Variants in CABCOCO1 observed in about 807,000 individuals in gnomAD.
The protein encoded by CABCOCO1 is ciliary associated calcium binding coiled-coil 1, also known as ciliary-associated calcium-binding coiled-coil protein 1.
Under a neutral mutation model 35.7 loss-of-function variants are expected in CABCOCO1, and 28 were observed. That is an observed-to-expected ratio of 0.78 (90% CI 0.58 to 1.07). The LOEUF is 1.07. CABCOCO1 is among the 50% of genes least tolerant of loss of function. The pLI is 0.00. For synonymous variants in CABCOCO1, 95 were observed against 100.1 expected (o/e 0.95, Z 0.30); for missense variants, 326 against 309.2 (o/e 1.05, Z -0.41).
intron 5 of CABCOCO1, among the ~76,000 whole-genome samples, chr10:61,697,457 T>C (rs1308696128): frequency 1.3e-5 from 2 of 152,078 alleles, no homozygotes; most frequent in African/African-American, 2.4e-5. Flanking sequence ...ATGAATAGTG[T>C]TCCCATTTAT....
chr10:61,678,976 T>C (rs1839614490), intron 2 of CABCOCO1, among the ~76,000 whole-genome samples: 1 of 152,126 alleles, frequency 6.6e-6, no homozygotes. Context: ...GCTTTATTTG[T>C]TCCCAAACTT....
At position 61,762,563 on chromosome 10, in the gene CABCOCO1, G is replaced by A. The variant is rs557022804; in HGVS notation, c.816+1560G>A. 8.5e-5 allele frequency among the ~76,000 whole-genome samples: 13 copies of A among 152,182 alleles called. No homozygotes were observed. The South Asian group carries it at 2.5e-3, about 29-fold the overall frequency. On this transcript the variant is annotated intron_variant, in intron 7 of 7. Coordinates refer to ENST00000648843, the MANE Select transcript of CABCOCO1 (RefSeq NM_001366906.2). ...TGCCAATTTTTCAATGAAATAGCATGATGATGTGGATTTATACAATGGCTC... is the reference window on the plus strand; with the variant it reads ...TGCCAATTTTTCAATGAAATAGCATAATGATGTGGATTTATACAATGGCTC...
At chr10:61,734,049 G>A (rs777657828) in intron 5 of CABCOCO1, among the ~76,000 whole-genome samples, 4 of 151,788 alleles carry the variant, frequency 2.6e-5, no homozygotes, top group Non-Finnish European at 5.9e-5. Flanking sequence ...ACTTCCCCCC[G>A]CTTACCCCCA....
chr10:61,738,222 G>A (rs1564551948), intron 5 of CABCOCO1, among the ~76,000 whole-genome samples: 1 of 152,080 alleles, frequency 6.6e-6, no homozygotes, highest in African/African-American at 2.4e-5. Context: ...TAATTTGCCA[G>A]CATACGTTCA....
At chr10:61,668,439 A>G (rs1234067226) in intron 1 of CABCOCO1, among the ~76,000 whole-genome samples, 2 of 152,164 alleles carry the variant, frequency 1.3e-5, no homozygotes, top group Middle Eastern at 3.4e-3. Context: ...TAAAACTACA[A>G]GTGTAAAACC....
At chr10:61,673,709 C>T (rs1327680793) in intron 2 of CABCOCO1, among the ~76,000 whole-genome samples, 1 of 152,196 alleles carries the variant, frequency 6.6e-6, no homozygotes, top group African/African-American at 2.4e-5. Flanking sequence ...AGCTGCTCAG[C>T]TCTAGCGCTG....
In CABCOCO1 at chr10:61,766,021, G is replaced by A; in HGVS notation, c.*8G>A. 1 of 1,607,538 alleles carries A rather than the reference G, an allele frequency of 6.2e-7. No individual in the cohort carries two copies. The highest frequency in any genetic ancestry group is 8.5e-7 in the Non-Finnish European group (1 of 1,174,676). ...AAATTGAAAAAGGCCTAAGGACTTG[G>A]TACAAGGAGAGTGATGCTAAACTTC... On this transcript the variant is annotated 3_prime_UTR_variant, in exon 8 of 8. Coordinates refer to ENST00000648843, the MANE Select transcript of CABCOCO1 (RefSeq NM_001366906.2).
intron 5 of CABCOCO1, among the ~76,000 whole-genome samples, chr10:61,736,506 G>T (rs1841419014): frequency 6.6e-6 from 1 of 152,076 alleles, no homozygotes. Context: ...CTACGTGCCT[G>T]TTTTTGTATC....
chr10:61,736,667 G>C (rs1298543617), intron 5 of CABCOCO1, among the ~76,000 whole-genome samples: 1 of 151,998 alleles, frequency 6.6e-6, no homozygotes, highest in African/African-American at 2.4e-5. Flanking sequence ...ATTTTCTCTA[G>C]TTCTGTGAAG....
At chr10:61,707,844 TGCACAAGGTAAAAACAGAA>T (rs1840631608) in intron 5 of CABCOCO1, among the ~76,000 whole-genome samples, 1 of 152,186 alleles carries the variant, frequency 6.6e-6, no homozygotes, top group Non-Finnish European at 1.5e-5. Flanking sequence ...TTTCAAGTTT[TGCACAAGGTAAAAACAGAA>T]GCTGATACAT....
chr10:61,737,801 C>T (rs1187267148), intron 5 of CABCOCO1, among the ~76,000 whole-genome samples: 2 of 151,992 alleles, frequency 1.3e-5, no homozygotes, highest in Non-Finnish European at 2.9e-5. Context: ...CTGGGGTCTA[C>T]TTGAAGCAGG....
Position 61,690,671 on chromosome 10 carries a change from T to C in CABCOCO1, c.552+50T>C, listed in dbSNP as rs111272461. On this transcript the variant is annotated intron_variant, in intron 5 of 7. Coordinates refer to ENST00000648843, the MANE Select transcript of CABCOCO1 (RefSeq NM_001366906.2). ...AAGTTAAGCAGAATCACTTAATGCATGCTGATCAGCATCTGGATCTTTAAC... is the reference window on the plus strand; with the variant it reads ...AAGTTAAGCAGAATCACTTAATGCACGCTGATCAGCATCTGGATCTTTAAC... 70 of 1,205,088 alleles carry C rather than the reference T, an allele frequency of 5.8e-5. 2 individuals are homozygous for C. Among genetic ancestry groups the C allele is most frequent in the South Asian group, 5.5e-4 (42 of 77,032 alleles). 74.6% of individuals were successfully genotyped at this position (1,205,088 alleles called of 1,614,324 possible). A position where few individuals can be genotyped will look rare whatever the true frequency, so the allele number is the denominator to read the frequency against.
At chr10:61,678,495 T>TA (rs1443083362) in intron 2 of CABCOCO1, among the ~76,000 whole-genome samples, 1 of 151,912 alleles carries the variant, frequency 6.6e-6, no homozygotes, top group Non-Finnish European at 1.5e-5. Context: ...ACATGCAACA[T>TA]AAAAAACTGA....
chr10:61,694,071 G>T (rs539077825), intron 5 of CABCOCO1, among the ~76,000 whole-genome samples: 27 of 151,894 alleles, frequency 1.8e-4, no homozygotes, highest in Non-Finnish European at 3.7e-4. Flanking sequence ...ACTTGTTAGT[G>T]TATTACTTTA....
In CABCOCO1 at chr10:61,766,030, G is replaced by C; in HGVS notation, c.*17G>C. The C allele has an allele frequency of 6.2e-7, 1 of 1,600,842 alleles. No homozygotes were observed. The highest frequency in any genetic ancestry group is 1.3e-5 in the African/African-American group (1 of 74,568). ...AAGGCCTAAGGACTTGGTACAAGGA[G>C]AGTGATGCTAAACTTCACAGAAACA... On this transcript the variant is annotated 3_prime_UTR_variant, in exon 8 of 8. Coordinates refer to ENST00000648843, the MANE Select transcript of CABCOCO1 (RefSeq NM_001366906.2).
intron 5 of CABCOCO1, among the ~76,000 whole-genome samples, chr10:61,751,995 A>C (rs1467670385): frequency 6.6e-6 from 1 of 152,188 alleles, no homozygotes; most frequent in Non-Finnish European, 1.5e-5. Context: ...TGTAGGTGAA[A>C]GGTCTCTTTT....
At chr10:61,748,250 A>G (rs1841707398) in intron 5 of CABCOCO1, among the ~76,000 whole-genome samples, 1 of 152,180 alleles carries the variant, frequency 6.6e-6, no homozygotes, top group African/African-American at 2.4e-5. Context: ...CTGACCATAT[A>G]AAACTACAAT....
intron 5 of CABCOCO1, among the ~76,000 whole-genome samples, chr10:61,723,636 T>C (rs1841075476): frequency 6.6e-6 from 1 of 152,156 alleles, no homozygotes; most frequent in South Asian, 2.1e-4. Context: ...GGGTCTCTTT[T>C]AGGTTTGCAG....
At chr10:61,731,794 AG>A (rs1320701624) in intron 5 of CABCOCO1, among the ~76,000 whole-genome samples, 2 of 73,448 alleles carry the variant, frequency 2.7e-5, no homozygotes, top group African/African-American at 5.2e-5. Context: ...GAGGGAGGGA[AG>A]GGGGGGAAAG....
Sources: gnomAD v4.1 joint callset for allele counts (sites outside exome capture counted in the v4.1 genomes callset) on GRCh38, gnomAD v4.1.1 for gene constraint, MANE v1.5 for transcripts, NCBI Gene and HGNC (gene_info 2026-07-23, HGNC 2026-07-21) for gene names.